Variants in SHISAL1 observed in about 807,000 individuals in gnomAD.
SHISAL1 encodes the protein protein shisa-like-1.
In SHISAL1, 9 loss-of-function variants were observed where a neutral mutation model predicts 22.6. The ratio of observed to expected loss-of-function variants is 0.40; its 90% CI spans 0.24 to 0.70. The LOEUF (loss-of-function observed/expected upper bound fraction) is 0.70. SHISAL1 is among the 30% of genes least tolerant of loss of function. The pLI is 0.39. For missense variants in SHISAL1, 246 were observed against 270.6 expected, an observed-to-expected ratio of 0.91 and a Z score of 0.64; for synonymous variants, 119 against 115.4, an observed-to-expected ratio of 1.03 and a Z score of -0.20.
Position 44,296,817 on chromosome 22 carries a change from G to A in SHISAL1, c.136C>T (p.His46Tyr), listed in dbSNP as rs773824540. 1 of 1,613,852 alleles carries A rather than the reference G, an allele frequency of 6.2e-7. No homozygotes were observed. The highest frequency in any genetic ancestry group is 1.7e-5 in the Admixed American group (1 of 60,038). The change falls in exon 3 of 5, where the codon CAC becomes TAC. Residue 46 changes from histidine to tyrosine, a missense_variant. Physicochemically the swap from His to Tyr is moderately conservative, Grantham distance 83. This residue lies in a region of SHISAL1 where 110 missense variants were observed against 153.1 expected (regional missense o/e 0.72). Coordinates refer to ENST00000381176, the MANE Select transcript of SHISAL1 (RefSeq NM_001099294.2). ...DHKGRYHFGF[H>Y]CPRLSDNKTF... ...TTGTTGTCCGAGAGCCGGGGGCAGTGGAAGCCAAAGTGGTAGCGGCCTTTG... is the reference window on the plus strand; with the variant it reads ...TTGTTGTCCGAGAGCCGGGGGCAGTAGAAGCCAAAGTGGTAGCGGCCTTTG...
chr22:44,288,986 A>G (rs1233321792), intron 3 of SHISAL1, among the ~76,000 whole-genome samples: 1 of 152,234 alleles, frequency 6.6e-6, no homozygotes, highest in Non-Finnish European at 1.5e-5. Flanking sequence ...TAGGCTGTAA[A>G]TACTGACACC....
chr22:44,291,139 CGT>C (rs998254359), intron 3 of SHISAL1, among the ~76,000 whole-genome samples: 1 of 152,180 alleles, frequency 6.6e-6, no homozygotes, highest in Admixed American at 6.5e-5. Context: ...AGAGACACGA[CGT>C]GTGTGGCTTC....
chr22:44,300,796 C>G, intron 2 of SHISAL1, 83 bp downstream of exon 2: 1 of 1,212,682 alleles, frequency 8.2e-7, no homozygotes, highest in Non-Finnish European at 1.2e-6. Flanking sequence ...GCCCCCAGAA[C>G]CCCAGATGGG....
chr22:44,290,529 C>CAAAAAAAAAA lies in SHISAL1; in HGVS notation c.282-4794_282-4785dup, dbSNP rs546640216. ...GGGCAACAAGAGGGAAACTCAGTCT[C>CAAAAAAAAAA]AAAAAAAAAAAAAAACAAAAAACGG... On this transcript the variant is annotated intron_variant, in intron 3 of 4. Transcript: ENST00000381176. 1.5e-3 allele frequency among the ~76,000 whole-genome samples: 123 copies of CAAAAAAAAAA among 84,284 alleles called. 1 individual carries two copies. The highest frequency in any genetic ancestry group is 1.8e-3 in the African/African-American group (38 of 21,278). The allele number at this position is 84,284 out of a possible 152,430, so 55.3% of individuals were successfully genotyped here. A position where few individuals can be genotyped will look rare whatever the true frequency, so the allele number is the denominator to read the frequency against.
At chr22:44,258,308 AAAACAAAC>A (rs138205630) in intron 4 of SHISAL1, among the ~76,000 whole-genome samples, 1 of 152,032 alleles carries the variant, frequency 6.6e-6, no homozygotes, top group Non-Finnish European at 1.5e-5. Flanking sequence ...CTCTGTCTCA[AAAACAAAC>A]AAACTTTTAA....
chr22:44,298,704 TG>T (rs1163450704), intron 2 of SHISAL1, among the ~76,000 whole-genome samples: 1 of 152,100 alleles, frequency 6.6e-6, no homozygotes, highest in Non-Finnish European at 1.5e-5. Flanking sequence ...TAGGGCAGCA[TG>T]GGGAGGCAGC....
upstream of SHISAL1, among the ~76,000 whole-genome samples, chr22:44,317,139 C>T (rs538712787): frequency 3.9e-5 from 6 of 152,332 alleles, no homozygotes; most frequent in East Asian, 1.9e-4. Context: ...ACTCCCTGGA[C>T]CAGTTCCACT....
intron 4 of SHISAL1, among the ~76,000 whole-genome samples, chr22:44,271,551 G>T (rs1340341671): frequency 6.6e-6 from 1 of 152,220 alleles, no homozygotes; most frequent in Non-Finnish European, 1.5e-5. Context: ...TTGCCAACAA[G>T]CATCTATTCT....
At chr22:44,267,976 CG>C in intron 4 of SHISAL1, among the ~76,000 whole-genome samples, 1 of 152,356 alleles carries the variant, frequency 6.6e-6, no homozygotes, top group East Asian at 1.9e-4. Context: ...TGCAGAGACA[CG>C]GCCGGAGGCT....
rs187022676 is a variant in SHISAL1 at position 44,265,176 on chromosome 22, C to T, written c.*-15491G>A. ...CTACCTTCAGCTACTCACACCCTCC[C>T]CTTTGGTACCAAGGGAGACCAAAGG... On this transcript the variant is annotated intron_variant, in intron 4 of 4. Coordinates refer to ENST00000381176, the MANE Select transcript of SHISAL1 (RefSeq NM_001099294.2). Among the ~76,000 whole-genome samples, 205 of 152,290 alleles carry T rather than the reference C, an allele frequency of 1.3e-3. 1 individual carries two copies. Among genetic ancestry groups the T allele is most frequent in the Non-Finnish European group, 2.4e-3 (165 of 68,030 alleles).
intron 4 of SHISAL1, among the ~76,000 whole-genome samples, chr22:44,263,079 C>CTTTCTTTTTTTTT (rs55901041): frequency 1.4e-4 from 12 of 88,250 alleles, no homozygotes; most frequent in East Asian, 3.6e-4. Flanking sequence ...TTCTTTCTTT[C>CTTTCTTTTTTTTT]TTTTTTTTTT....
rs1456908791 is a variant in SHISAL1 at position 44,244,528 on chromosome 22, T to C, written c.*5157A>G. On this transcript the variant is annotated 3_prime_UTR_variant, in exon 5 of 5. Coordinates refer to ENST00000381176, the MANE Select transcript of SHISAL1 (RefSeq NM_001099294.2). ...AGTAACTAACAGTCAAATCTGCTCA[T>C]TCATCAAGCATCTATCTAGCACCAG... The C allele has an allele frequency of 6.6e-6, 1 of 152,190 alleles. No homozygotes were observed. Among genetic ancestry groups the C allele is most frequent in the Non-Finnish European group, 1.5e-5 (1 of 68,028 alleles). The allele number at this position is 152,190 out of a possible 1,614,324, so 9.4% of individuals were successfully genotyped here.
intron 2 of SHISAL1, among the ~76,000 whole-genome samples, chr22:44,297,215 T>A (rs2055393558): frequency 6.6e-6 from 1 of 152,194 alleles, no homozygotes. Context: ...ACCCATCTCA[T>A]TTAACTCACA....
chr22:44,252,439 C>T (rs886598947), intron 4 of SHISAL1, among the ~76,000 whole-genome samples: 5 of 151,886 alleles, frequency 3.3e-5, no homozygotes, highest in South Asian at 2.1e-4. Flanking sequence ...GGATCAAAAA[C>T]GCAGCTTTCC....
At chr22:44,266,528 ATGTGTGTGTGTG>A (rs11473448) in intron 4 of SHISAL1, among the ~76,000 whole-genome samples, 18 of 108,418 alleles carry the variant, frequency 1.7e-4, no homozygotes, top group South Asian at 7.0e-4. Flanking sequence ...GCTTTGGGGT[ATGTGTGTGTGTG>A]TGTGTGTGTG....
intron 4 of SHISAL1, among the ~76,000 whole-genome samples, chr22:44,275,423 C>G (rs906253879): frequency 6.6e-6 from 1 of 152,212 alleles, no homozygotes; most frequent in African/African-American, 2.4e-5. Flanking sequence ...TTTCGGGAAG[C>G]TCCTGGGCCC....
chr22:44,246,731 C>T lies in SHISAL1; in HGVS notation c.*2954G>A, dbSNP rs2147262821. The T allele has an allele frequency of 6.6e-6, 1 of 152,404 alleles. No homozygotes were observed. The highest frequency in any genetic ancestry group is 2.4e-5 in the African/African-American group (1 of 41,578). 9.4% of individuals were successfully genotyped at this position (152,404 alleles called of 1,614,324 possible). On this transcript the variant is annotated 3_prime_UTR_variant, in exon 5 of 5. Transcript: ENST00000381176. ...CTCACCTGTCGGCTCCTCTGTGAGACAGCAAGTACCGTGACTAACTGGTAC... is the reference window on the plus strand; with the variant it reads ...CTCACCTGTCGGCTCCTCTGTGAGATAGCAAGTACCGTGACTAACTGGTAC...
chr22:44,261,238 T>G (rs1001000128), intron 4 of SHISAL1, among the ~76,000 whole-genome samples: 1 of 151,888 alleles, frequency 6.6e-6, no homozygotes, highest in Admixed American at 6.6e-5. Context: ...ACAACAGAAC[T>G]GTTACTTTCG....
rs112794480 is a variant in SHISAL1, at chr22:44,270,557, G to A, written c.599+14871C>T. On this transcript the variant is annotated intron_variant, in intron 4 of 4. Coordinates refer to ENST00000381176, the MANE Select transcript of SHISAL1 (RefSeq NM_001099294.2). ...GGGGACCTTGGAGGCTTACAGAAGG[G>A]ACACTCAGCAGTGCCGGGCAGGGAG... Among the ~76,000 whole-genome samples, 18 of 152,296 alleles carry A rather than the reference G, an allele frequency of 1.2e-4. 1 individual carries two copies. Among genetic ancestry groups the A allele is most frequent in the African/African-American group, 3.4e-4 (14 of 41,568 alleles).
Sources: allele counts gnomAD v4.1 joint callset (sites outside exome capture counted in the v4.1 genomes callset), GRCh38; gene constraint gnomAD v4.1.1; regional missense constraint gnomAD v4.1.1; transcripts MANE v1.5; gene names NCBI Gene and HGNC (gene_info 2026-07-23, HGNC 2026-07-21).